DOCK1: variants seen among roughly 807,000 people sequenced by gnomAD.
The protein encoded by DOCK1 is dedicator of cytokinesis 1, also known as dedicator of cytokinesis protein 1.
A neutral mutation model predicts 262.7 loss-of-function variants in DOCK1; 138 were observed. The ratio of observed to expected loss-of-function variants is 0.53; its 90% confidence interval spans 0.46 to 0.61. DOCK1 has a LOEUF of 0.61. DOCK1 is among the 20% of genes least tolerant of loss of function. DOCK1 has a pLI of 0.00. For missense variants in DOCK1, 1,908 were observed against 2,370.7 expected (o/e 0.80, Z 4.05); for synonymous variants, 866 against 867.4 (o/e 1.00, Z 0.03).
chr10:127,022,091 C>G (rs1012501709), intron 13 of DOCK1, among the ~76,000 whole-genome samples: 2 of 151,956 alleles, frequency 1.3e-5, no homozygotes, highest in African/African-American at 4.8e-5. Context: ...CAGGGGCTTC[C>G]TATGTTCTCA....
intron 38 of DOCK1, among the ~76,000 whole-genome samples, chr10:127,400,653 C>T (rs910031688): frequency 1.3e-5 from 2 of 152,204 alleles, no homozygotes; most frequent in Non-Finnish European, 2.9e-5. Context: ...TGATTGGAGG[C>T]CTTAAACCGG....
chr10:127,291,434 C>T (rs73382459), intron 29 of DOCK1, among the ~76,000 whole-genome samples: 3,256 of 152,276 alleles, frequency 0.021, 104 homozygotes, highest in African/African-American at 0.074. Context: ...TTCCAGATGT[C>T]CTAAGGCAGA....
intron 29 of DOCK1, among the ~76,000 whole-genome samples, chr10:127,324,896 A>G (rs2135599102): frequency 1.3e-5 from 2 of 152,258 alleles, no homozygotes; most frequent in Non-Finnish European, 2.9e-5. Context: ...GCAAGATTCA[A>G]TTTGCATGGA....
rs772642067 is a variant in DOCK1 at position 127,119,112 on chromosome 10, C to T, written c.2624-6362C>T. 1.1e-4 allele frequency among the ~76,000 whole-genome samples: 16 copies of T among 151,146 alleles called. No homozygotes were observed. The East Asian group carries it at 1.2e-3, about 11-fold the overall frequency. On this transcript the variant is annotated intron_variant, in intron 25 of 51. Transcript: ENST00000623213. ...AGGCTGGAGTGCAGTGGCGCAATCT[C>T]GGCTTACTGCAAGCTCCGTCTCCCA... is the stretch of plus-strand genomic sequence containing the variant.
intron 29 of DOCK1, among the ~76,000 whole-genome samples, chr10:127,277,426 T>C (rs2060781704): frequency 6.6e-6 from 1 of 152,182 alleles, no homozygotes; most frequent in Non-Finnish European, 1.5e-5. Context: ...AGATGAGTGT[T>C]TGCCTTCGTT....
intron 51 of DOCK1, among the ~76,000 whole-genome samples, 175 bp from the exon 52 acceptor site, chr10:127,451,157 C>CAGTCTTGAGCCT (rs1450734050): frequency 1.3e-5 from 2 of 152,138 alleles, no homozygotes; most frequent in African/African-American, 4.8e-5. Flanking sequence ...CATAGCAGCC[C>CAGTCTTGAGCCT]AGTCTTGAGC....
At chr10:127,314,401 CG>C (rs2062184637) in intron 29 of DOCK1, among the ~76,000 whole-genome samples, 1 of 152,230 alleles carries the variant, frequency 6.6e-6, no homozygotes, top group Non-Finnish European at 1.5e-5. Flanking sequence ...GCTGTGGCTG[CG>C]CAGTGCCTGC....
Position 127,243,998 on chromosome 10 carries a change from C to T in DOCK1, c.2848-4010C>T, listed in dbSNP as rs571412877. Reference sequence around the variant, plus strand: ...TATACATAATTACTGCAGTTTTCCTCTTCAATTATTTTCTCATGCTATTAA... The same window carrying T: ...TATACATAATTACTGCAGTTTTCCTTTTCAATTATTTTCTCATGCTATTAA... On this transcript the variant is annotated intron_variant, in intron 27 of 51. Transcript: ENST00000623213. Among the ~76,000 whole-genome samples the T allele has an allele frequency of 4.6e-5, 7 of 152,192 alleles. No homozygotes were observed. The East Asian group carries it at 7.7e-4, about 17-fold the overall frequency.
At chr10:127,336,751 G>T (rs1015360231) in intron 29 of DOCK1, among the ~76,000 whole-genome samples, 3 of 152,108 alleles carry the variant, frequency 2.0e-5, no homozygotes, top group Non-Finnish European at 2.9e-5. Context: ...GTGTTAGCCA[G>T]GATGGTCTCA....
chr10:126,929,346 A>G (rs1248242196), intron 1 of DOCK1, among the ~76,000 whole-genome samples: 3 of 152,172 alleles, frequency 2.0e-5, no homozygotes, highest in African/African-American at 7.2e-5. Flanking sequence ...ATGAGGATTC[A>G]GTGTTGACAC....
chr10:127,295,281 C>T (rs190414432), intron 29 of DOCK1, among the ~76,000 whole-genome samples: 4 of 152,226 alleles, frequency 2.6e-5, no homozygotes, highest in East Asian at 3.9e-4. Context: ...ACACATGGCA[C>T]GAGCAGGAGC....
intron 27 of DOCK1, among the ~76,000 whole-genome samples, chr10:127,165,173 C>T (rs923688252): frequency 2.0e-5 from 3 of 152,092 alleles, no homozygotes; most frequent in Non-Finnish European, 4.4e-5. Context: ...TCATTTTTTG[C>T]CAGTGGTTCT....
intron 27 of DOCK1, among the ~76,000 whole-genome samples, chr10:127,183,763 A>G (rs2055957241): frequency 6.6e-6 from 1 of 152,176 alleles, no homozygotes; most frequent in African/African-American, 2.4e-5. Flanking sequence ...TGGTGAAGAG[A>G]AAATAAACAA....
chr10:126,949,098 G>C (rs1380366853), intron 1 of DOCK1, among the ~76,000 whole-genome samples: 2 of 152,094 alleles, frequency 1.3e-5, no homozygotes, highest in Non-Finnish European at 2.9e-5. Context: ...CTGCTGGGGG[G>C]AGGTGCATCC....
chr10:127,031,560 TC>T, intron 16 of DOCK1, 89 bp from the exon 17 acceptor site: 1 of 993,920 alleles, frequency 1.0e-6, no homozygotes, highest in Non-Finnish European at 1.5e-6. Context: ...GTAATTGTTT[TC>T]ATAAAGGTAG....
intron 15 of DOCK1, 146 bp from the exon 16 acceptor site, chr10:127,026,206 A>G: frequency 1.3e-6 from 1 of 796,228 alleles, no homozygotes; most frequent in Non-Finnish European, 2.0e-6. Flanking sequence ...GTCTTTGGAA[A>G]AATCATATAG....
At chr10:127,094,821 G>C (rs191616103) in intron 23 of DOCK1, among the ~76,000 whole-genome samples, 21 of 152,238 alleles carry the variant, frequency 1.4e-4, no homozygotes, top group African/African-American at 5.1e-4. Context: ...GAACTGGACC[G>C]TTTTCCTGTC....
chr10:127,106,339 G>A (rs532156460), intron 24 of DOCK1, 38 bp downstream of exon 24: 80 of 1,565,420 alleles, frequency 5.1e-5, no homozygotes, highest in South Asian at 2.8e-4. Flanking sequence ...GTCACGTGCC[G>A]TGTGTGACCT....
intron 29 of DOCK1, among the ~76,000 whole-genome samples, chr10:127,262,446 C>T (rs910676313): frequency 1.3e-5 from 2 of 152,144 alleles, no homozygotes; most frequent in African/African-American, 2.4e-5. Flanking sequence ...ACCGAGGAGG[C>T]ATTTTAGGTC....
Sources: allele counts gnomAD v4.1 joint callset (sites outside exome capture counted in the v4.1 genomes callset), GRCh38; gene constraint gnomAD v4.1.1; transcripts MANE v1.5; gene names NCBI Gene and HGNC (gene_info 2026-07-23, HGNC 2026-07-21).